The following PVT1 variants were observed in gnomAD, a reference collection of about 807,000 sequenced individuals.
The protein encoded by PVT1 is CXCR4/PVT1 fusion.
intron 4 of PVT1, among the ~76,000 whole-genome samples, chr8:128,035,818 T>C (rs1813455248): frequency 6.6e-6 from 1 of 152,192 alleles, no homozygotes; most frequent in Non-Finnish European, 1.5e-5. Context: ...GAGATTGTAG[T>C]GATGCAGCCA....
chr8:128,093,767 G>A (rs2542411), intron 5 of PVT1, among the ~76,000 whole-genome samples: 92,557 of 151,350 alleles, frequency 0.61, 30,042 homozygotes, highest in Non-Finnish European at 0.72. Flanking sequence ...CCTCCTGAGT[G>A]GCTGGGATTA....
chr8:128,065,183 C>T (rs1024835840), intron 4 of PVT1, among the ~76,000 whole-genome samples: 3 of 132,062 alleles, frequency 2.3e-5, no homozygotes, highest in African/African-American at 7.9e-5. Context: ...TCAGAAGTCT[C>T]TTCTTTTTTA....
chr8:127,957,751 G>A (rs1816588609), intron 3 of PVT1, among the ~76,000 whole-genome samples: 1 of 152,182 alleles, frequency 6.6e-6, no homozygotes, highest in Admixed American at 6.5e-5. Context: ...TTTGCCTTGG[G>A]AGGCTTTGCA....
chr8:127,866,618 A>G (rs1815288874), intron 2 of PVT1, among the ~76,000 whole-genome samples: 4 of 152,152 alleles, frequency 2.6e-5, no homozygotes, highest in Admixed American at 2.6e-4. Context: ...TAGGAGATGG[A>G]GAGAGGAACC....
intron 3 of PVT1, chr8:127,948,241 T>C (rs1563647468): frequency 3.1e-6 from 1 of 321,060 alleles, no homozygotes; most frequent in East Asian, 7.7e-5. Context: ...AGCTGCTGAG[T>C]GGTGGAGCAC....
intron 2 of PVT1, among the ~76,000 whole-genome samples, chr8:127,874,158 G>A (rs1437026948): frequency 6.6e-6 from 1 of 152,206 alleles, no homozygotes; most frequent in African/African-American, 2.4e-5. Flanking sequence ...GCATCTTGGG[G>A]TGCAGTGCTA....
intron 3 of PVT1, among the ~76,000 whole-genome samples, chr8:127,969,772 T>A (rs1013260126): frequency 6.6e-6 from 1 of 151,252 alleles, no homozygotes; most frequent in Non-Finnish European, 1.5e-5. Context: ...GATGGGAAAG[T>A]GAGACTCAGA....
rs559050300 is a variant in PVT1 at position 127,980,666 on chromosome 8, C to G, written n.783-8496C>G. Among the ~76,000 whole-genome samples the G allele has an allele frequency of 4.4e-4, 67 of 152,226 alleles. 1 individual carries two copies. The highest frequency in any genetic ancestry group is 1.4e-3 in the African/African-American group (59 of 41,522). ...CAGGAGCCTGGAACTTCCCCAGGTG[C>G]CCCATTGGCTTGGTGACTTTACATC... On this transcript the variant is annotated intron_variant and non_coding_transcript_variant, in intron 3 of 10. Coordinates refer to ENST00000651587, the Ensembl canonical transcript of PVT1.
intron 3 of PVT1, among the ~76,000 whole-genome samples, chr8:127,985,583 C>T (rs1025655329): frequency 9.9e-5 from 15 of 152,110 alleles, no homozygotes; most frequent in East Asian, 1.9e-4. Flanking sequence ...ACCCCATGCT[C>T]GGCTTGCTGG....
chr8:128,083,001 A>G lies in PVT1; in HGVS notation n.1114+12640A>G, dbSNP rs142333911. On this transcript the variant is annotated intron_variant and non_coding_transcript_variant, in intron 5 of 10. Transcript: ENST00000651587. Reference sequence around the variant, plus strand: ...TCAGCTGAAATTATTTCTAATAGATATACAGATTTCCAACAAAGCACAGTG... The same window carrying G: ...TCAGCTGAAATTATTTCTAATAGATGTACAGATTTCCAACAAAGCACAGTG... Among the ~76,000 whole-genome samples, 405 of 152,342 alleles carry G rather than the reference A, an allele frequency of 2.7e-3. 3 individuals are homozygous for G. The highest frequency in any genetic ancestry group is 9.1e-3 in the African/African-American group (380 of 41,582).
At chr8:127,849,959 T>G (rs1815089484) in intron 2 of PVT1, among the ~76,000 whole-genome samples, 1 of 149,386 alleles carries the variant, frequency 6.7e-6, no homozygotes, top group African/African-American at 2.4e-5. Context: ...TGTGTGTGTG[T>G]GCTCCTGCGT....
At chr8:127,881,171 T>C (rs1815462605) in intron 2 of PVT1, among the ~76,000 whole-genome samples, 2 of 152,032 alleles carry the variant, frequency 1.3e-5, no homozygotes, top group Non-Finnish European at 2.9e-5. Context: ...TTAATAACAT[T>C]AGGGAACTGG....
At chr8:127,799,701 A>G (rs4582520) in intron 2 of PVT1, among the ~76,000 whole-genome samples, 2,650 of 152,278 alleles carry the variant, frequency 0.017, 69 homozygotes, top group African/African-American at 0.06. Flanking sequence ...GAAAGAGATG[A>G]TGAACAGAAT....
At chr8:127,808,014 C>T (rs949409631) in intron 2 of PVT1, among the ~76,000 whole-genome samples, 6 of 151,788 alleles carry the variant, frequency 4.0e-5, no homozygotes, top group African/African-American at 1.5e-4. Context: ...ATGAGCCACC[C>T]GCCTCAGCCT....
intron 3 of PVT1, among the ~76,000 whole-genome samples, chr8:127,892,433 T>C (rs978335247): frequency 9.9e-5 from 15 of 152,190 alleles, no homozygotes; most frequent in Non-Finnish European, 1.6e-4. Flanking sequence ...GGTTTTCTCT[T>C]GGTTTCTTTG....
chr8:127,978,824 T>G (rs1254737587), intron 3 of PVT1, among the ~76,000 whole-genome samples: 1 of 152,184 alleles, frequency 6.6e-6, no homozygotes, highest in Non-Finnish European at 1.5e-5. Context: ...AAGGTTTTGC[T>G]TTGTTGCCTA....
intron 3 of PVT1, among the ~76,000 whole-genome samples, chr8:127,945,551 T>A (rs1021838853): frequency 6.6e-6 from 1 of 152,206 alleles, no homozygotes; most frequent in Non-Finnish European, 1.5e-5. Flanking sequence ...AACTGCCCCA[T>A]GCTGAAGGCC....
intron 2 of PVT1, among the ~76,000 whole-genome samples, chr8:127,856,780 A>G (rs76867901): frequency 0.01 from 1,599 of 152,350 alleles, 31 homozygotes; most frequent in African/African-American, 0.036. Flanking sequence ...TTAGAGAGTC[A>G]CAGTAACTGG....
At chr8:127,893,521 AC>A (rs2129809461) in intron 3 of PVT1, among the ~76,000 whole-genome samples, 1 of 152,308 alleles carries the variant, frequency 6.6e-6, no homozygotes, top group South Asian at 2.1e-4. Flanking sequence ...AGCTGCGATT[AC>A]AAGCGTGACC....
Sources: allele counts gnomAD v4.1 joint callset (sites outside exome capture counted in the v4.1 genomes callset), GRCh38; gene constraint gnomAD v4.1.1; transcripts MANE v1.5; gene names NCBI Gene and HGNC (gene_info 2026-07-23, HGNC 2026-07-21).